Variants in CSMD1 observed in about 807,000 individuals in gnomAD.
CSMD1 encodes CUB and sushi domain-containing protein 1.
Under a neutral mutation model 417.5 loss-of-function variants are expected in CSMD1, and 213 were observed. The observed-to-expected ratio is 0.51, with a 90% CI of 0.46 to 0.57. The LOEUF is 0.57. CSMD1 is among the 20% of genes least tolerant of loss of function. The probability of loss-of-function intolerance (pLI) is 0.00; values close to 1 mark genes in which losing one functional copy is unlikely to be tolerated. For missense variants in CSMD1, 6,923 were observed against 4,529.7 expected, an observed-to-expected ratio of 1.53 and a Z score of -15.17; for synonymous variants, 2,862 against 1,736.8, an observed-to-expected ratio of 1.65 and a Z score of -16.11.
At chr8:4,226,385 C>A (rs1439188967) in intron 3 of CSMD1, among the ~76,000 whole-genome samples, 3 of 152,140 alleles carry the variant, frequency 2.0e-5, no homozygotes, top group Non-Finnish European at 4.4e-5. Context: ...ACAATTACAA[C>A]CCTCTCTGAA....
At chr8:4,908,452 T>C (rs924870848) in intron 1 of CSMD1, among the ~76,000 whole-genome samples, 2 of 152,218 alleles carry the variant, frequency 1.3e-5, no homozygotes, top group African/African-American at 4.8e-5. Context: ...TTCTCTGCTC[T>C]CCTTTTCTTC....
chr8:4,241,390 C>G (rs1264037110), intron 3 of CSMD1, among the ~76,000 whole-genome samples: 1 of 152,220 alleles, frequency 6.6e-6, no homozygotes, highest in Non-Finnish European at 1.5e-5. Flanking sequence ...ACCCTTCCCA[C>G]TTAAGTACTT....
rs1563399758 is a variant in CSMD1 at position 3,448,327 on chromosome 8, G to GGGAGGGAGGGAAGGAAGGAAGGAAGGAA, written c.1561+20384_1561+20385insTTCCTTCCTTCCTTCCTTCCCTCCCTCC. ...GGGAAGGAAGGAAGGAAGGAAGGGAGCAAGGGAGGGAGGGAGGGAGGAAGG... is the reference window on the plus strand; with the variant it reads ...GGGAAGGAAGGAAGGAAGGAAGGGAGGGAGGGAGGGAAGGAAGGAAGGAAGGAACAAGGGAGGGAGGGAGGGAGGAAGG... On this transcript the variant is annotated intron_variant, in intron 12 of 69. Transcript: ENST00000635120. Among the ~76,000 whole-genome samples the GGGAGGGAGGGAAGGAAGGAAGGAAGGAA allele has an allele frequency of 4.8e-3, 162 of 33,548 alleles. 6 individuals are homozygous for GGGAGGGAGGGAAGGAAGGAAGGAAGGAA. The highest frequency in any genetic ancestry group is 0.02 in the African/African-American group (155 of 7,756). The allele number at this position is 33,548 out of a possible 152,430, so 22.0% of individuals were successfully genotyped here.
intron 1 of CSMD1, among the ~76,000 whole-genome samples, chr8:4,830,835 G>T (rs181142489): frequency 1.2e-4 from 18 of 152,254 alleles, no homozygotes; most frequent in Admixed American, 6.5e-4. Flanking sequence ...GAAAGAAAGA[G>T]AAATCAGCTA....
intron 1 of CSMD1, among the ~76,000 whole-genome samples, chr8:4,727,229 G>T (rs1295018119): frequency 2.0e-5 from 3 of 152,062 alleles, no homozygotes; most frequent in African/African-American, 7.2e-5. Context: ...CACTCAGCAG[G>T]GCACCCAAGC....
intron 7 of CSMD1, among the ~76,000 whole-genome samples, chr8:3,642,946 T>TA (rs909621268): frequency 4.0e-5 from 6 of 150,772 alleles, no homozygotes; most frequent in Non-Finnish European, 7.4e-5. Context: ...ATAGTTAAAA[T>TA]AAAAAAATAC....
intron 7 of CSMD1, among the ~76,000 whole-genome samples, chr8:3,676,190 G>A (rs755600405): frequency 3.9e-5 from 6 of 152,052 alleles, no homozygotes; most frequent in Non-Finnish European, 8.8e-5. Flanking sequence ...TCTTCTCCTC[G>A]TTTGTCCATA....
intron 3 of CSMD1, among the ~76,000 whole-genome samples, chr8:4,233,971 C>T (rs1414240169): frequency 2.4e-5 from 3 of 125,050 alleles, no homozygotes; most frequent in Non-Finnish European, 5.0e-5. Context: ...GGTAAAACGG[C>T]GGGGGGTGGG....
rs911370735 is a variant in CSMD1, at chr8:4,147,654, G to A, written c.416-115555C>T. ...GTAGTGCATGAAGGTTACTCTGAGT[G>A]CTGGCTCATGGGAACCCCATTCTTT... On this transcript the variant is annotated intron_variant, in intron 3 of 69. Transcript: ENST00000635120. Among the ~76,000 whole-genome samples the A allele has an allele frequency of 2.0e-4, 30 of 152,140 alleles. 1 individual carries two copies. The highest frequency in any genetic ancestry group is 4.4e-5 in the Non-Finnish European group (3 of 68,034).
At chr8:3,493,889 T>G (rs902659519) in intron 10 of CSMD1, among the ~76,000 whole-genome samples, 163 bp from the exon 11 acceptor site, 14 of 152,324 alleles carry the variant, frequency 9.2e-5, no homozygotes, top group Admixed American at 4.6e-4. Context: ...ATTATATATA[T>G]TTGATAGCCT....
At chr8:3,782,464 T>C (rs1165693892) in intron 5 of CSMD1, among the ~76,000 whole-genome samples, 4 of 152,064 alleles carry the variant, frequency 2.6e-5, no homozygotes, top group Non-Finnish European at 4.4e-5. Context: ...ACGCATAACA[T>C]GTATAGATAA....
intron 10 of CSMD1, among the ~76,000 whole-genome samples, chr8:3,574,085 A>C (rs1333766571): frequency 6.6e-6 from 1 of 152,216 alleles, no homozygotes; most frequent in African/African-American, 2.4e-5. Flanking sequence ...GAGAAATAAC[A>C]GTATTACCCT....
intron 1 of CSMD1, among the ~76,000 whole-genome samples, chr8:4,817,359 T>G (rs1408867880): frequency 6.6e-6 from 1 of 152,196 alleles, no homozygotes; most frequent in East Asian, 1.9e-4. Flanking sequence ...ATAAAACATC[T>G]ATAACAAATT....
At chr8:3,014,710 C>T (rs561386767) in intron 52 of CSMD1, among the ~76,000 whole-genome samples, 52 of 152,226 alleles carry the variant, frequency 3.4e-4, no homozygotes, top group Non-Finnish European at 5.4e-4. Context: ...CCCAGGAGTT[C>T]GTGACCAGCC....
At chr8:3,767,882 C>A (rs1468634995) in intron 5 of CSMD1, among the ~76,000 whole-genome samples, 3 of 152,206 alleles carry the variant, frequency 2.0e-5, no homozygotes, top group Admixed American at 2.0e-4. Context: ...ATTTATATAT[C>A]ATGGTAAAAA....
chr8:4,201,893 G>GA (rs1799669148), intron 3 of CSMD1, among the ~76,000 whole-genome samples: 1 of 148,188 alleles, frequency 6.7e-6, no homozygotes, highest in Non-Finnish European at 1.5e-5. Context: ...ATTTTGGGGG[G>GA]GGGGGGCGCT....
intron 1 of CSMD1, among the ~76,000 whole-genome samples, chr8:4,653,085 T>C (rs995245638): frequency 6.6e-6 from 1 of 152,020 alleles, no homozygotes; most frequent in Non-Finnish European, 1.5e-5. Flanking sequence ...AGGATGTGTT[T>C]ATGAGAGACA....
intron 3 of CSMD1, among the ~76,000 whole-genome samples, chr8:4,251,010 T>C (rs542813353): frequency 1.3e-5 from 2 of 152,200 alleles, no homozygotes; most frequent in African/African-American, 4.8e-5. Context: ...TCACAGTTAA[T>C]GACAAGCATA....
chr8:3,057,634 G>A (rs1812322597), intron 49 of CSMD1, among the ~76,000 whole-genome samples: 2 of 151,708 alleles, frequency 1.3e-5, no homozygotes, highest in African/African-American at 4.8e-5. Flanking sequence ...AACGTTATTC[G>A]ACTTTCTTAC....
Sources: gnomAD v4.1 joint callset for allele counts (sites outside exome capture counted in the v4.1 genomes callset) on GRCh38, gnomAD v4.1.1 for gene constraint, MANE v1.5 for transcripts, NCBI Gene and HGNC (gene_info 2026-07-23, HGNC 2026-07-21) for gene names.